The following CCR6 variants were observed in gnomAD, a reference collection of about 807,000 sequenced individuals.
The protein encoded by CCR6 is C-C motif chemokine receptor 6.
Under a neutral mutation model 3.0 loss-of-function variants are expected in CCR6, and 2 were observed. The ratio of observed to expected loss-of-function variants is 0.66; its 90% confidence interval spans 0.27 to 2.07. The LOEUF is 2.07. Among genes scored for constraint, CCR6 ranks in the 30% most tolerant of loss-of-function variants. The pLI is 0.14. For synonymous variants in CCR6, 193 were observed against 184.3 expected, an observed-to-expected ratio of 1.05 and a Z score of -0.38; for missense variants, 322 against 462.8, an observed-to-expected ratio of 0.70 and a Z score of 2.79.
At chr6:167,117,844 T>G (rs1209685500), upstream of CCR6, among the ~76,000 whole-genome samples, 1 of 152,136 alleles carries the variant, frequency 6.6e-6, no homozygotes. Context: ...TTAAAGAAAT[T>G]TTGTCTCAAA....
chr6:167,128,342 G>A (rs1158740048), intron 1 of CCR6, among the ~76,000 whole-genome samples: 3 of 152,214 alleles, frequency 2.0e-5, no homozygotes, highest in Non-Finnish European at 2.9e-5. Flanking sequence ...CCCTGTGTCC[G>A]GTGCCTCCGC....
intron 1 of CCR6, chr6:167,127,292 G>C (rs905387915): frequency 2.6e-5 from 4 of 152,206 alleles, no homozygotes; most frequent in African/African-American, 9.6e-5. Context: ...GAACTGAAAA[G>C]GTTCTGTGAG....
rs1781867263 is a variant in CCR6, at chr6:167,137,428, A to G, written c.*73A>G. On this transcript the variant is annotated 3_prime_UTR_variant, in exon 3 of 3. Coordinates refer to ENST00000341935, the MANE Select transcript of CCR6 (RefSeq NM_031409.4). This position sits in a 1 kb window ranked among gnomAD's most constrained non-coding sequence, Gnocchi z 4.6. ...GTTATGCAAAAAAAAGTCTATGGCCAGGTATGCATGGAAAATGTGGGAATT... is the reference window on the plus strand; with the variant it reads ...GTTATGCAAAAAAAAGTCTATGGCCGGGTATGCATGGAAAATGTGGGAATT... 4 of 1,439,760 alleles carry G rather than the reference A, an allele frequency of 2.8e-6. No individual in the cohort carries two copies. In the Admixed American group the frequency reaches 9.0e-5, roughly 32 times the overall value. The allele number at this position is 1,439,760 out of a possible 1,614,324, so 89.2% of individuals were successfully genotyped here. A position where few individuals can be genotyped will look rare whatever the true frequency, so the allele number is the denominator to read the frequency against.
At position 167,136,170 on chromosome 6, in the gene CCR6, T is replaced by C. The variant is rs998980459; in HGVS notation, c.9+27T>C. 14 of 1,613,334 alleles carry C rather than the reference T, an allele frequency of 8.7e-6. No homozygotes were observed. In the East Asian group the frequency reaches 8.9e-5, roughly 10 times the overall value. On this transcript the variant is annotated intron_variant, in intron 2 of 2. Transcript: ENST00000341935. This position sits in a 1 kb window ranked among gnomAD's most constrained non-coding sequence, Gnocchi z 4.6. ...TAAGATTTTTATTTTTGGCAAGGGGTATAATTTGGGTTCACTGTGGCTACT... is the reference window on the plus strand; with the variant it reads ...TAAGATTTTTATTTTTGGCAAGGGGCATAATTTGGGTTCACTGTGGCTACT...
At chr6:167,113,469 T>G (rs553906826) in intron 1 of CCR6, among the ~76,000 whole-genome samples, 118 of 152,284 alleles carry the variant, frequency 7.7e-4, no homozygotes, top group African/African-American at 2.8e-3. Flanking sequence ...AGACCTCACA[T>G]GGGCCCATTT....
At chr6:167,135,891 T>TGTA in intron 1 of CCR6, 147 bp from the exon 2 acceptor site, 1 of 502,232 alleles carries the variant, frequency 2.0e-6, no homozygotes, top group South Asian at 3.8e-5. Context: ...AAGAGGTTGC[T>TGTA]GATGCCTATT....
rs1257201030 is a variant in CCR6, at chr6:167,137,160, C to T, written c.930C>T (p.Cys310=). The T allele has an allele frequency of 6.2e-7, 1 of 1,614,088 alleles. No homozygotes were observed. Among genetic ancestry groups the T allele is most frequent in the South Asian group, 1.1e-5 (1 of 91,080 alleles). ...VTEVLAFLHC[C]LNPVLYAFIG... is the part of the protein sequence containing the mutation. Reference sequence around the variant, plus strand: ...AAGTCCTGGCTTTCCTGCACTGCTGCCTGAACCCTGTGCTCTACGCTTTTA... The same window carrying T: ...AAGTCCTGGCTTTCCTGCACTGCTGTCTGAACCCTGTGCTCTACGCTTTTA... Residue 310 remains cysteine (C), a synonymous_variant, in exon 3 of 3, where the codon TGC becomes TGT. Coordinates refer to ENST00000341935, the MANE Select transcript of CCR6 (RefSeq NM_031409.4). The surrounding 1 kb of genome is among the most constrained non-coding windows in gnomAD (Gnocchi z 4.6).
rs35977074 is a variant in CCR6, at chr6:167,138,928, C to CAAAAAAA, written c.*1588_*1594dup. 4.0e-5 allele frequency: 3 copies of CAAAAAAA among 74,792 alleles called. No homozygotes were observed. Among genetic ancestry groups the CAAAAAAA allele is most frequent in the African/African-American group, 6.4e-5 (1 of 15,666 alleles). The allele number at this position is 74,792 out of a possible 1,614,324, so 4.6% of individuals were successfully genotyped here. A position where few individuals can be genotyped will look rare whatever the true frequency, so the allele number is the denominator to read the frequency against. Reference sequence around the variant, plus strand: ...TGGGTGACAAAGCGAGACTCCATCTCAAAAAAAAAAAAAAAAAAAAAGGAA... The same window carrying CAAAAAAA: ...TGGGTGACAAAGCGAGACTCCATCTCAAAAAAAAAAAAAAAAAAAAAAAAAAAAGGAA... On this transcript the variant is annotated 3_prime_UTR_variant, in exon 3 of 3. Coordinates refer to ENST00000341935, the MANE Select transcript of CCR6 (RefSeq NM_031409.4).
Position 167,137,180 on chromosome 6 carries a change from C to T in CCR6, c.950C>T (p.Ala317Val), listed in dbSNP as rs1168909572. Residue 317 changes from alanine (A) to valine (V), a missense_variant, in exon 3 of 3, where the codon GCT becomes GTT. Ala to Val is a moderately conservative substitution (Grantham distance 64). Coordinates refer to ENST00000341935, the MANE Select transcript of CCR6 (RefSeq NM_031409.4). The surrounding 1 kb of genome is among the most constrained non-coding windows in gnomAD (Gnocchi z 4.6). Reference sequence around the variant, plus strand: ...TGCTGCCTGAACCCTGTGCTCTACGCTTTTATTGGGCAGAAGTTCAGAAAC... The same window carrying T: ...TGCTGCCTGAACCCTGTGCTCTACGTTTTTATTGGGCAGAAGTTCAGAAAC... ...LHCCLNPVLYAFIGQKFRNYF... is the reference protein window; with the variant it reads ...LHCCLNPVLYVFIGQKFRNYF... 1.2e-6 allele frequency: 2 copies of T among 1,614,180 alleles called. No individual in the cohort carries two copies. Among genetic ancestry groups the T allele is most frequent in the African/African-American group, 1.3e-5 (1 of 75,038 alleles).
intron 1 of CCR6, among the ~76,000 whole-genome samples, chr6:167,134,230 G>T (rs924976355): frequency 1.3e-5 from 2 of 152,014 alleles, no homozygotes; most frequent in Non-Finnish European, 2.9e-5. Context: ...TTGATCCACC[G>T]TGGCTGGAAG....
intron 1 of CCR6, among the ~76,000 whole-genome samples, chr6:167,132,571 C>G (rs1332008717): frequency 6.6e-6 from 1 of 152,062 alleles, no homozygotes; most frequent in African/African-American, 2.4e-5. Flanking sequence ...GACGGAGTCT[C>G]TCTCTGTCAC....
chr6:167,137,401 A>G lies in CCR6; in HGVS notation c.*46A>G. 1.3e-6 allele frequency: 2 copies of G among 1,531,860 alleles called. No homozygotes were observed. Among genetic ancestry groups the G allele is most frequent in the East Asian group, 2.3e-5 (1 of 44,318 alleles). The allele number at this position is 1,531,860 out of a possible 1,614,324, so 94.9% of individuals were successfully genotyped here. ...AGGCATGTGTGAAACATACTCATAGATGTTATGCAAAAAAAAGTCTATGGC... is the reference window on the plus strand; with the variant it reads ...AGGCATGTGTGAAACATACTCATAGGTGTTATGCAAAAAAAAGTCTATGGC... On this transcript the variant is annotated 3_prime_UTR_variant, in exon 3 of 3. Transcript: ENST00000341935. The surrounding 1 kb of genome is among the most constrained non-coding windows in gnomAD (Gnocchi z 4.6).
upstream of CCR6, among the ~76,000 whole-genome samples, chr6:167,119,863 G>A (rs970416648): frequency 6.6e-6 from 1 of 152,192 alleles, no homozygotes; most frequent in Non-Finnish European, 1.5e-5. Flanking sequence ...GTGTGAGCCT[G>A]TGGCTGCCTG....
intron 1 of CCR6, among the ~76,000 whole-genome samples, chr6:167,132,071 G>A (rs1432831617): frequency 2.0e-5 from 3 of 152,168 alleles, no homozygotes; most frequent in African/African-American, 7.2e-5. Flanking sequence ...TGTTAGGGGT[G>A]GAATGGTGCA....
chr6:167,121,047 G>A (rs1433173177), upstream of CCR6: 1 of 152,334 alleles, frequency 6.6e-6, no homozygotes, highest in African/African-American at 2.4e-5. Context: ...CCCAGGCTGG[G>A]AGCCAGTCAG....
At position 167,136,450 on chromosome 6, in the gene CCR6, T is replaced by C. The variant is rs1178196762; in HGVS notation, c.220T>C (p.Tyr74His). ...NILVVITFAF[Y>H]KKARSMTDVY... ...TCTGGTGGTGATCACCTTTGCTTTT[T>C]ATAAGAAGGCCAGGTCTATGACAGA... Residue 74 changes from tyrosine to histidine, a missense_variant, in exon 3 of 3, where the codon TAT (tyrosine) becomes CAT (histidine). Physicochemically the swap from Tyr to His is moderately conservative, Grantham distance 83. Transcript: ENST00000341935. The surrounding 1 kb of genome is among the most constrained non-coding windows in gnomAD (Gnocchi z 4.6). The C allele has an allele frequency of 9.9e-6, 16 of 1,608,896 alleles. No homozygotes were observed. The South Asian group carries it at 1.0e-4, about 10-fold the overall frequency.
upstream of CCR6, among the ~76,000 whole-genome samples, chr6:167,118,471 T>C (rs1781535692): frequency 6.6e-6 from 1 of 152,228 alleles, no homozygotes; most frequent in South Asian, 2.1e-4. Context: ...TTCTTCCCTC[T>C]TAGACCGGTT....
At chr6:167,126,357 G>A (rs1259491944) in intron 1 of CCR6, 1 of 152,244 alleles carries the variant, frequency 6.6e-6, no homozygotes, top group Non-Finnish European at 1.5e-5. Flanking sequence ...ACAAAGAGAA[G>A]AGAATCAATC....
chr6:167,137,061 G>C lies in CCR6; in HGVS notation c.831G>C (p.Thr277=), dbSNP rs758349006. The change falls in exon 3 of 3, where the codon ACG becomes ACC. Residue 277 remains threonine (T), a synonymous_variant. Coordinates refer to ENST00000341935, the MANE Select transcript of CCR6 (RefSeq NM_031409.4). This position sits in a 1 kb window ranked among gnomAD's most constrained non-coding sequence, Gnocchi z 4.6. ...QIPHNMVLLV[T]AANLGKMNRS... The stretch of plus-strand genomic sequence containing the variant: ...CTCATAACATGGTCCTGCTTGTGAC[G>C]GCTGCAAATTTGGGTAAAATGAACC... 1 of 1,613,990 alleles carries C rather than the reference G, an allele frequency of 6.2e-7. No individual in the cohort carries two copies. The highest frequency in any genetic ancestry group is 1.1e-5 in the South Asian group (1 of 91,082).
Sources: allele counts gnomAD v4.1 joint callset (sites outside exome capture counted in the v4.1 genomes callset), GRCh38; gene constraint gnomAD v4.1.1; non-coding constraint Gnocchi (gnomAD v3.1); transcripts MANE v1.5; gene names NCBI Gene and HGNC (gene_info 2026-07-23, HGNC 2026-07-21).